ZNF185: variants seen among roughly 807,000 people sequenced by gnomAD.
The protein encoded by ZNF185 is zinc finger protein 185 with LIM domain, also known as zinc finger protein 185.
Under a neutral mutation model 58.6 loss-of-function variants are expected in ZNF185, and 56 were observed. That is an observed-to-expected ratio of 0.95 (90% confidence interval 0.77 to 1.19). ZNF185 has a LOEUF of 1.19. Among genes scored for constraint, ZNF185 ranks in the 50% most tolerant of loss-of-function variants. The pLI is 0.00. For synonymous variants in ZNF185, 230 were observed against 215.9 expected (o/e 1.07, Z -0.57); for missense variants, 627 against 573.5 (o/e 1.09, Z -0.95).
upstream of ZNF185, among the ~76,000 whole-genome samples, chrX:152,909,856 T>C (rs960446412): frequency 2.7e-5 from 3 of 109,731 alleles, no homozygotes; most frequent in South Asian, 7.7e-4. Context: ...ATCTGTTCAT[T>C]CTCCTCACCT....
At chrX:152,910,349 A>G (rs1237773658), upstream of ZNF185, among the ~76,000 whole-genome samples, 3 of 112,406 alleles carry the variant, frequency 2.7e-5, no homozygotes, top group African/African-American at 9.7e-5. Flanking sequence ...TACACAAAGG[A>G]GCAAAATATT....
chrX:152,935,458 G>A (rs1334357249), intron 14 of ZNF185, among the ~76,000 whole-genome samples: 2 of 108,587 alleles, frequency 1.8e-5, no homozygotes, highest in African/African-American at 6.7e-5. Flanking sequence ...GGATGGTCTC[G>A]ATCTCCTGAA....
chrX:152,905,942 G>A, the ZNF185 span, among the ~76,000 whole-genome samples: 4 of 112,433 alleles, frequency 3.6e-5, no homozygotes, highest in South Asian at 3.7e-4. Flanking sequence ...TGGGCAGCCT[G>A]GAGCCTTGGG....
At chrX:152,924,361 T>A (rs1556871315) in intron 11 of ZNF185, among the ~76,000 whole-genome samples, 1 of 110,837 alleles carries the variant, frequency 9.0e-6, no homozygotes, top group East Asian at 2.8e-4. Context: ...ACTCAAATGA[T>A]CCTCCTGCCT....
intron 11 of ZNF185, among the ~76,000 whole-genome samples, chrX:152,927,102 G>A (rs1043448903): frequency 8.9e-6 from 1 of 112,394 alleles, no homozygotes; most frequent in Non-Finnish European, 1.9e-5. Flanking sequence ...AGCCAGAAAC[G>A]CCAGTGAGAA....
chrX:152,964,052 T>A, intron 18 of ZNF185, 103 bp downstream of exon 20: 1 of 765,230 alleles, frequency 1.3e-6, no homozygotes, highest in Non-Finnish European at 2.0e-6. Context: ...ATTTAGTGCC[T>A]TCCCCAGTTT....
At chrX:152,910,275 A>G (rs1390467729), upstream of ZNF185, among the ~76,000 whole-genome samples, 2 of 112,046 alleles carry the variant, frequency 1.8e-5, no homozygotes, top group African/African-American at 6.5e-5. Context: ...TCATTTGGGT[A>G]AACCACCGTC....
chrX:152,937,765 T>C (rs2046496007), intron 14 of ZNF185, among the ~76,000 whole-genome samples: 1 of 112,443 alleles, frequency 8.9e-6, no homozygotes, highest in African/African-American at 3.2e-5. Flanking sequence ...GCCTATTCCT[T>C]GAACAAAGCA....
chrX:152,961,130 C>A (rs915071035), intron 17 of ZNF185, among the ~76,000 whole-genome samples: 2 of 112,127 alleles, frequency 1.8e-5, no homozygotes, highest in Admixed American at 1.9e-4. Context: ...TCTCTGTCTC[C>A]CAGTTCCAGG....
chrX:152,898,152 C>T, the ZNF185 span, among the ~76,000 whole-genome samples: 1 of 108,629 alleles, frequency 9.2e-6, no homozygotes, highest in African/African-American at 3.3e-5. Flanking sequence ...CCGGCCCGGC[C>T]CGGCCGGGCG....
rs141352197 is a variant in ZNF185 at position 152,946,224 on chromosome X, C to T, written c.1409+760C>T. On this transcript the variant is annotated intron_variant, in intron 16 of 22. Coordinates refer to ENST00000449285, the Ensembl canonical transcript of ZNF185. ...AAGGAGAGAGCTAAGACTCATATTG[C>T]CCCGAGAGAGGAGCTAGTGGAATCC... 6.2e-3 allele frequency among the ~76,000 whole-genome samples: 696 copies of T among 112,128 alleles called. 9 individuals carry two copies. Among genetic ancestry groups the T allele is most frequent in the African/African-American group, 0.021 (661 of 30,841 alleles).
chrX:152,916,710 C>CG (rs1444910303), intron 3 of ZNF185, among the ~76,000 whole-genome samples: 40 of 112,769 alleles, frequency 3.5e-4, no homozygotes, highest in African/African-American at 1.3e-3. Flanking sequence ...GGTCAGACCC[C>CG]GGGCTGAGGG....
intron 17 of ZNF185, among the ~76,000 whole-genome samples, chrX:152,962,999 T>G (rs924051432): frequency 5.3e-5 from 6 of 112,922 alleles, no homozygotes; most frequent in African/African-American, 1.9e-4. Context: ...AGCCACAGCA[T>G]GTTGGAGAAA....
At chrX:152,922,395 A>C in intron 10 of ZNF185, 139 bp downstream of exon 11, 2 of 626,992 alleles carry the variant, frequency 3.2e-6, no homozygotes, top group South Asian at 5.8e-5. Flanking sequence ...AAGACGGGAC[A>C]AAGAAATCAG....
rs149806454 is a variant in ZNF185 at position 152,963,137 on chromosome X, G to T, written c.1608-702G>T. ...GCTGCCCAACATCGTGCCCTGAACT[G>T]CAGTTGACAGCTACGGCAGCTTTGG... On this transcript the variant is annotated intron_variant, in intron 17 of 22. Coordinates refer to ENST00000449285, the Ensembl canonical transcript of ZNF185. 7.6e-3 allele frequency among the ~76,000 whole-genome samples: 864 copies of T among 113,100 alleles called. 9 individuals carry two copies. Among genetic ancestry groups the T allele is most frequent in the African/African-American group, 0.026 (824 of 31,174 alleles).
intron 3 of ZNF185, 105 bp downstream of exon 4, chrX:152,915,308 G>A: frequency 1.3e-5 from 11 of 842,037 alleles, no homozygotes; most frequent in Non-Finnish European, 1.8e-5. Flanking sequence ...AGGGGACAGG[G>A]ATGCAGCCCC....
intron 16 of ZNF185, among the ~76,000 whole-genome samples, chrX:152,957,982 G>A (rs940261092): frequency 4.5e-5 from 5 of 112,214 alleles, no homozygotes; most frequent in Non-Finnish European, 7.5e-5. Flanking sequence ...CTTTCCCTGA[G>A]TGGCCCTGGT....
At chrX:152,955,146 G>A (rs956990237) in intron 16 of ZNF185, among the ~76,000 whole-genome samples, 10 of 111,975 alleles carry the variant, frequency 8.9e-5, no homozygotes, top group African/African-American at 3.2e-4. Flanking sequence ...ACACTCCTAA[G>A]TTAGGTTTTC....
exon 8 of ZNF185, chrX:152,920,391 A>G (rs781858051): frequency 1.9e-4 from 231 of 1,209,594 alleles, no homozygotes; most frequent in Non-Finnish European, 2.6e-4. Context: ...ACGTCCTGTC[A>G]GCGGCCAAGA....
Sources: allele counts gnomAD v4.1 joint callset (sites outside exome capture counted in the v4.1 genomes callset), GRCh38; gene constraint gnomAD v4.1.1; transcripts MANE v1.5; gene names NCBI Gene and HGNC (gene_info 2026-07-23, HGNC 2026-07-21).